AGBL4: variants seen among roughly 807,000 people sequenced by gnomAD.
AGBL4 encodes the protein AGBL carboxypeptidase 4, also known as cytosolic carboxypeptidase 6.
Under a neutral mutation model 66.4 loss-of-function variants are expected in AGBL4, and 58 were observed. The observed-to-expected ratio is 0.87, with a 90% CI of 0.71 to 1.09. AGBL4 has a LOEUF of 1.09. Among genes scored for constraint, AGBL4 ranks in the 50% least tolerant of loss-of-function variants. AGBL4 has a pLI of 0.00. For synonymous variants in AGBL4, 234 were observed against 222.9 expected (o/e 1.05, Z -0.44); for missense variants, 579 against 631.0 (o/e 0.92, Z 0.88).
At chr1:48,589,945 G>A (rs942066398) in intron 10 of AGBL4, among the ~76,000 whole-genome samples, 1 of 152,116 alleles carries the variant, frequency 6.6e-6, no homozygotes, top group Non-Finnish European at 1.5e-5. Context: ...TGTTAATGCT[G>A]GAGTCAACTC....
chr1:49,190,089 G>A (rs1445061568), intron 4 of AGBL4, among the ~76,000 whole-genome samples: 1 of 152,166 alleles, frequency 6.6e-6, no homozygotes, highest in Non-Finnish European at 1.5e-5. Flanking sequence ...ATTCTTTAGA[G>A]AACTACGTAA....
At chr1:48,770,679 G>A (rs928647179) in intron 6 of AGBL4, among the ~76,000 whole-genome samples, 137 of 151,978 alleles carry the variant, frequency 9.0e-4, no homozygotes, top group African/African-American at 3.0e-3. Flanking sequence ...CTTAAGATTC[G>A]ACAGGTCTCA....
intron 3 of AGBL4, among the ~76,000 whole-genome samples, chr1:49,444,559 T>C (rs1418712845): frequency 2.0e-5 from 3 of 152,054 alleles, no homozygotes; most frequent in African/African-American, 4.8e-5. Flanking sequence ...TGTTCTTGAC[T>C]TAAATTCTGT....
intron 3 of AGBL4, among the ~76,000 whole-genome samples, chr1:49,371,232 GATAGATAGATAGATAGATAC>G (rs1557876878): frequency 1.1e-3 from 146 of 127,512 alleles, no homozygotes; most frequent in African/African-American, 4.3e-3. Context: ...TAGATATATA[GATAGATAGATAGATAGATAC>G]ATACATACAT....
chr1:49,193,215 T>G (rs1647156491), intron 4 of AGBL4, among the ~76,000 whole-genome samples: 1 of 152,070 alleles, frequency 6.6e-6, no homozygotes, highest in Non-Finnish European at 1.5e-5. Context: ...TATTCTGCCC[T>G]GATCTTTGTT....
chr1:49,102,661 A>C (rs1373298817), intron 4 of AGBL4, among the ~76,000 whole-genome samples: 2 of 152,212 alleles, frequency 1.3e-5, no homozygotes, highest in African/African-American at 4.8e-5. Context: ...TCTAATGAAT[A>C]AATAAATGAA....
chr1:49,298,265 G>C (rs1453594870), intron 3 of AGBL4, among the ~76,000 whole-genome samples: 1 of 152,176 alleles, frequency 6.6e-6, no homozygotes, highest in Non-Finnish European at 1.5e-5. Context: ...GGCCCAGGAG[G>C]AGAATGGGCT....
intron 4 of AGBL4, among the ~76,000 whole-genome samples, chr1:49,116,014 A>G (rs1476232469): frequency 6.6e-6 from 1 of 152,180 alleles, no homozygotes; most frequent in Non-Finnish European, 1.5e-5. Flanking sequence ...AAAAGTAATT[A>G]AGAGAAATTG....
intron 11 of AGBL4, among the ~76,000 whole-genome samples, chr1:48,561,017 A>G (rs564911572): frequency 2.0e-4 from 30 of 152,270 alleles, no homozygotes; most frequent in South Asian, 4.1e-4. Flanking sequence ...CCCTGGCCAT[A>G]CTGCAGTGCT....
intron 4 of AGBL4, among the ~76,000 whole-genome samples, chr1:49,106,557 C>T (rs531075276): frequency 3.6e-4 from 55 of 152,262 alleles, no homozygotes; most frequent in African/African-American, 1.3e-3. Flanking sequence ...TGATCCTGCC[C>T]TAGGCATAGT....
intron 3 of AGBL4, among the ~76,000 whole-genome samples, chr1:49,304,733 AATT>A (rs1644819474): frequency 6.6e-6 from 1 of 152,214 alleles, no homozygotes; most frequent in South Asian, 2.1e-4. Context: ...TGATAGACAT[AATT>A]ATTACTAAAA....
At chr1:49,813,384 A>C (rs950479289) in intron 2 of AGBL4, among the ~76,000 whole-genome samples, 1 of 152,154 alleles carries the variant, frequency 6.6e-6, no homozygotes, top group Non-Finnish European at 1.5e-5. Flanking sequence ...AAATATTGTC[A>C]TCAACCTATG....
At chr1:49,309,620 G>A (rs866249600) in intron 3 of AGBL4, among the ~76,000 whole-genome samples, 7 of 152,068 alleles carry the variant, frequency 4.6e-5, no homozygotes, top group Middle Eastern at 3.4e-3. Flanking sequence ...TCGTGTGTGT[G>A]TGTGTGTGTG....
chr1:49,282,764 G>A (rs552349307), intron 3 of AGBL4, among the ~76,000 whole-genome samples: 8 of 152,298 alleles, frequency 5.3e-5, no homozygotes, highest in East Asian at 3.9e-4. Flanking sequence ...GGTGACAGAC[G>A]CACCTGGAAA....
intron 5 of AGBL4, among the ~76,000 whole-genome samples, chr1:48,935,632 A>G (rs12038345): frequency 0.092 from 14,045 of 151,864 alleles, 751 homozygotes; most frequent in Non-Finnish European, 0.11. Flanking sequence ...CCCAACATGC[A>G]AGAAAATGTC....
At chr1:49,193,453 A>G (rs1244045175) in intron 4 of AGBL4, among the ~76,000 whole-genome samples, 2 of 151,480 alleles carry the variant, frequency 1.3e-5, no homozygotes, top group Non-Finnish European at 2.9e-5. Flanking sequence ...TTCATCATTG[A>G]CCCAAAGATC....
In AGBL4 at chr1:49,562,136, C is replaced by T. The variant is rs374826969; in HGVS notation, c.282+135177G>A. On this transcript the variant is annotated intron_variant, in intron 3 of 13. Transcript: ENST00000371839. Reference sequence around the variant, plus strand: ...GAGAAGTGTGGGTTCATATCCTTCGCCGACTTTTTAATGTGGTTGTTTGTT... The same window carrying T: ...GAGAAGTGTGGGTTCATATCCTTCGTCGACTTTTTAATGTGGTTGTTTGTT... Among the ~76,000 whole-genome samples, 53 of 152,156 alleles carry T rather than the reference C, an allele frequency of 3.5e-4. 2 individuals carry two copies. In the South Asian group the frequency reaches 9.8e-3, roughly 28 times the overall value.
chr1:48,724,392 G>A (rs1405856402), intron 6 of AGBL4, among the ~76,000 whole-genome samples: 1 of 152,190 alleles, frequency 6.6e-6, no homozygotes, highest in African/African-American at 2.4e-5. Context: ...GTGATGAAAA[G>A]TGTGCAGCCA....
chr1:49,902,759 AAC>A (rs1375293024), intron 1 of AGBL4, among the ~76,000 whole-genome samples: 1 of 152,136 alleles, frequency 6.6e-6, no homozygotes. Context: ...AAAACAAACA[AAC>A]AAACAAACCA....
Sources: allele counts gnomAD v4.1 joint callset (sites outside exome capture counted in the v4.1 genomes callset), GRCh38; gene constraint gnomAD v4.1.1; transcripts MANE v1.5; gene names NCBI Gene and HGNC (gene_info 2026-07-23, HGNC 2026-07-21).